GFI1B: variants seen among roughly 807,000 people sequenced by gnomAD.
GFI1B encodes the protein zinc finger protein Gfi-1b.
In GFI1B, 20 loss-of-function variants were observed where a neutral mutation model predicts 35.3. The ratio of observed to expected loss-of-function variants is 0.57; its 90% CI spans 0.40 to 0.82. The LOEUF (loss-of-function observed/expected upper bound fraction) is 0.82, where lower values mean the gene tolerates loss of function less well. Ranked by LOEUF, GFI1B falls within the 40% of genes least tolerant of loss-of-function variation. GFI1B has a pLI of 0.00. For synonymous variants in GFI1B, 178 were observed against 177.6 expected (o/e 1.00, Z -0.02); for missense variants, 430 against 446.3 (o/e 0.96, Z 0.33).
At chr9:132,983,872 C>G (rs1020559961) in intron 1 of GFI1B, among the ~76,000 whole-genome samples, 2 of 152,236 alleles carry the variant, frequency 1.3e-5, no homozygotes, top group South Asian at 4.1e-4. Flanking sequence ...AGGCCTGGGG[C>G]CAGACAGACC....
At chr9:132,960,097 G>A (rs1219447560) in intron 1 of GFI1B, among the ~76,000 whole-genome samples, 1 of 152,202 alleles carries the variant, frequency 6.6e-6, no homozygotes, top group African/African-American at 2.4e-5. Flanking sequence ...GCCAGGTCCA[G>A]CCCAGAACCA....
Position 132,986,729 on chromosome 9 carries a change from G to A in GFI1B, c.51G>A (p.Gln17=), listed in dbSNP as rs771820776. 8 of 1,613,036 alleles carry A rather than the reference G, an allele frequency of 5.0e-6. No individual in the cohort carries two copies. In the Admixed American group the frequency reaches 1.0e-4, roughly 20 times the overall value. The change falls in exon 2 of 7, where the codon CAG becomes CAA. Residue 17 remains glutamine, a synonymous_variant. Coordinates refer to ENST00000372122, the MANE Select transcript of GFI1B (RefSeq NM_001377304.1). ...GCAAGAAGGCTCACACCTACCACCA[G>A]CCCCGTGTGCAGGAAGATGAACCGC... ...VKSKKAHTYH[Q]PRVQEDEPLW... is the part of the protein sequence containing the mutation.
chr9:132,986,772 A>T lies in GFI1B; in HGVS notation c.94A>T (p.Thr32Ser), dbSNP rs1564177246. The T allele has an allele frequency of 6.2e-7, 1 of 1,606,250 alleles. No individual in the cohort carries two copies. Among genetic ancestry groups the T allele is most frequent in the South Asian group, 1.1e-5 (1 of 90,014 alleles). The change falls in exon 2 of 7, where the codon ACC (threonine) becomes TCC (serine). Residue 32 changes from threonine to serine, a missense_variant. By Grantham distance (58) the Thr-to-Ser change is moderately conservative. Transcript: ENST00000372122. ...EDEPLWPPAL[T>S]PVPRDQAPSN... ...TGAACCGCTCTGGCCTCCTGCCCTTACCCCGGGTGAGTCAGAGCCCGGGCT... is the reference window on the plus strand; with the variant it reads ...TGAACCGCTCTGGCCTCCTGCCCTTTCCCCGGGTGAGTCAGAGCCCGGGCT...
At chr9:132,946,938 G>C (rs1056284881) in intron 1 of GFI1B, 3 of 152,460 alleles carry the variant, frequency 2.0e-5, no homozygotes, top group African/African-American at 7.2e-5. Flanking sequence ...CCAGGGGCTT[G>C]CAAGAAGAGG....
chr9:132,988,606 A>C, intron 4 of GFI1B, 138 bp downstream of exon 4: 1 of 797,940 alleles, frequency 1.3e-6, no homozygotes, highest in East Asian at 2.7e-5. Flanking sequence ...GTTCATCCTC[A>C]TCACCATTCA....
At chr9:132,955,971 G>T (rs1017706815) in intron 1 of GFI1B, among the ~76,000 whole-genome samples, 1 of 152,138 alleles carries the variant, frequency 6.6e-6, no homozygotes, top group East Asian at 1.9e-4. Flanking sequence ...ATTCCCTCTT[G>T]CTTGTGGGAG....
At position 132,988,466 on chromosome 9, in the gene GFI1B, A is replaced by C; in HGVS notation, c.508A>C (p.Lys170Gln). The C allele has an allele frequency of 6.2e-7, 1 of 1,613,310 alleles. No individual in the cohort carries two copies. The highest frequency in any genetic ancestry group is 2.2e-5 in the East Asian group (1 of 44,870). Residue 170 changes from lysine to glutamine, a missense_variant and splice_region_variant, in exon 4 of 7, where the codon AAG (lysine) becomes CAG (glutamine). Transcript: ENST00000372122. ...TGCGTACCACTGTGTGAAGTGCAAC[A>C]AGGTGGGCAGCGGGGGGTGTGGTGG... Reference protein sequence around the residue: ...MDAYHCVKCNKVFSTPHGLEV... With the variant: ...MDAYHCVKCNQVFSTPHGLEV...
chr9:132,947,333 T>C (rs1416038580), intron 1 of GFI1B: 1 of 149,736 alleles, frequency 6.7e-6, no homozygotes, highest in African/African-American at 2.5e-5. Context: ...GGACCAGGCC[T>C]GGCCAATCTG....
At chr9:132,988,081 A>G in intron 3 of GFI1B, 116 bp from the exon 4 acceptor site, 1 of 903,610 alleles carries the variant, frequency 1.1e-6, no homozygotes, top group Non-Finnish European at 1.8e-6. Flanking sequence ...CCCGACCTCA[A>G]GTGACCCACT....
intron 2 of GFI1B, among the ~76,000 whole-genome samples, chr9:132,973,535 G>A (rs1848570805): frequency 6.6e-6 from 1 of 152,222 alleles, no homozygotes; most frequent in Non-Finnish European, 1.5e-5. Context: ...AACCGAGCAA[G>A]ACAGGAATCC....
At position 132,989,753 on chromosome 9, in the gene GFI1B, C is replaced by G. The variant is rs374075090; in HGVS notation, c.660C>G (p.Phe220Leu). Residue 220 changes from phenylalanine to leucine, a missense_variant, in exon 6 of 7, where the codon TTC becomes TTG. Physicochemically the swap from Phe to Leu is conservative, Grantham distance 22. Coordinates refer to ENST00000372122, the MANE Select transcript of GFI1B (RefSeq NM_001377304.1). The surrounding 1 kb of genome is among the most constrained non-coding windows in gnomAD (Gnocchi z 6.2). The stretch of plus-strand genomic sequence containing the variant: ...ATTTCCTCCGGCAGGAGCGCAGCTT[C>G]GAGTGCCGCATGTGCGGCAAGGCCT... ...HTHVHSQERS[F>L]ECRMCGKAFK... 5.0e-6 allele frequency: 8 copies of G among 1,613,856 alleles called. No individual in the cohort carries two copies. In the African/African-American group the frequency reaches 5.3e-5, roughly 11 times the overall value.
chr9:132,960,776 A>G (rs1434691582), intron 1 of GFI1B, among the ~76,000 whole-genome samples: 1 of 151,930 alleles, frequency 6.6e-6, no homozygotes, highest in Non-Finnish European at 1.5e-5. Context: ...CATTAGGGTT[A>G]CAAGCATGAG....
intron 1 of GFI1B, among the ~76,000 whole-genome samples, chr9:132,982,984 C>G (rs746609614): frequency 3.9e-5 from 6 of 152,084 alleles, no homozygotes; most frequent in Non-Finnish European, 7.4e-5. Context: ...GGCTCATGAG[C>G]GCTAGAAAGT....
intron 1 of GFI1B, among the ~76,000 whole-genome samples, chr9:132,955,959 G>C (rs1223369321): frequency 6.6e-6 from 1 of 152,164 alleles, no homozygotes; most frequent in African/African-American, 2.4e-5. Context: ...TCTGTTGGCA[G>C]AATTCCCTCT....
At chr9:132,979,166 C>G (rs1848722730) in intron 1 of GFI1B, among the ~76,000 whole-genome samples, 1 of 151,516 alleles carries the variant, frequency 6.6e-6, no homozygotes. Flanking sequence ...CTCAGGGAGA[C>G]ACACTTCCAA....
rs868234854 is a variant in GFI1B at position 132,961,592 on chromosome 9, T to C, written c.-700-11133T>C. The stretch of plus-strand genomic sequence containing the variant: ...TATCAGATTGGCAAAATACCTCTCA[T>C]TTTTTTTTTTTTTTTTTGAGACGGA... On this transcript the variant is annotated intron_variant, in intron 1 of 10. Coordinates refer to the GFI1B transcript ENST00000339463. Among the ~76,000 whole-genome samples the C allele has an allele frequency of 2.3e-3, 253 of 110,192 alleles. 3 individuals are homozygous for C. The highest frequency in any genetic ancestry group is 9.0e-3 in the African/African-American group (229 of 25,434). 72.3% of individuals were successfully genotyped at this position (110,192 alleles called of 152,430 possible).
At chr9:132,951,549 T>C (rs531130157) in intron 1 of GFI1B, 7 of 152,344 alleles carry the variant, frequency 4.6e-5, no homozygotes, top group Non-Finnish European at 8.8e-5. Flanking sequence ...TTAATTTTGA[T>C]TATCAAATTC....
intron 1 of GFI1B, among the ~76,000 whole-genome samples, chr9:132,961,418 T>A (rs759838481): frequency 9.2e-6 from 1 of 108,186 alleles, no homozygotes. Flanking sequence ...AGTCAATTAT[T>A]TGACAAAAAA....
At chr9:132,956,727 A>C (rs752466524) in intron 1 of GFI1B, among the ~76,000 whole-genome samples, 6 of 152,234 alleles carry the variant, frequency 3.9e-5, no homozygotes, top group Non-Finnish European at 7.3e-5. Context: ...TATTAGAAAC[A>C]TAGAATTGGA....
Sources: allele counts gnomAD v4.1 joint callset (sites outside exome capture counted in the v4.1 genomes callset), GRCh38; gene constraint gnomAD v4.1.1; non-coding constraint Gnocchi (gnomAD v3.1); transcripts MANE v1.5; gene names NCBI Gene and HGNC (gene_info 2026-07-23, HGNC 2026-07-21).